TCF20: variants seen among roughly 807,000 people sequenced by gnomAD.
The protein encoded by TCF20 is transcription factor 20.
TCF20 carries 3 observed loss-of-function variants against 148.6 expected under a neutral mutation model. That is an observed-to-expected ratio of 0.02 (90% CI 0.01 to 0.05). The LOEUF is 0.05. Ranked by LOEUF, TCF20 falls within the 10% of genes least tolerant of loss-of-function variation. TCF20 has a pLI of 1.00. For missense variants in TCF20, 2,350 were observed against 2,429.3 expected, an observed-to-expected ratio of 0.97 and a Z score of 0.69; for synonymous variants, 1,049 against 909.5, an observed-to-expected ratio of 1.15 and a Z score of -2.76.
intron 2 of TCF20, among the ~76,000 whole-genome samples, chr22:42,195,500 CTT>C (rs897311922): frequency 1.9e-4 from 27 of 141,604 alleles, no homozygotes; most frequent in Admixed American, 2.1e-4. Context: ...ATATTACATA[CTT>C]TTTTTTTTTT....
Position 42,202,113 on chromosome 22 carries a change from A to T in TCF20, c.5655+7538T>A, listed in dbSNP as rs1027819129. Among the ~76,000 whole-genome samples, 12 of 152,322 alleles carry T rather than the reference A, an allele frequency of 7.9e-5. No homozygotes were observed. The Middle Eastern group carries it at 0.014, about 173-fold the overall frequency. On this transcript the variant is annotated intron_variant, in intron 2 of 5. Coordinates refer to ENST00000677622, the MANE Select transcript of TCF20 (RefSeq NM_001378418.1). ...TTATTTCCACCAAGGACAACTTTCA[A>T]AGAGATTAAGTTCTGAACACCCCTG...
chr22:42,313,649 G>T (rs1047374631), intron 1 of TCF20, among the ~76,000 whole-genome samples: 1 of 147,244 alleles, frequency 6.8e-6, no homozygotes, highest in Admixed American at 6.9e-5. Flanking sequence ...GCCCCAGCTG[G>T]AGTGCAGGGG....
chr22:42,198,115 GAATAA>G, intron 2 of TCF20, among the ~76,000 whole-genome samples: 1 of 152,094 alleles, frequency 6.6e-6, no homozygotes, highest in East Asian at 1.9e-4. Context: ...TGCGGTACTT[GAATAA>G]ATTACATTAT....
rs539738810 is a variant in TCF20 at position 42,244,523 on chromosome 22, A to T, written c.-37+25816T>A. Among the ~76,000 whole-genome samples the T allele has an allele frequency of 1.1e-4, 16 of 152,358 alleles. No individual in the cohort carries two copies. The South Asian group carries it at 3.3e-3, about 32-fold the overall frequency. The stretch of plus-strand genomic sequence containing the variant: ...TCTCAAAACACTACGCGCTAAGTGA[A>T]AGAAGTCAGACATGAAAGGTCACAT... On this transcript the variant is annotated intron_variant, in intron 1 of 5. Transcript: ENST00000677622.
chr22:42,206,691 A>C (rs1938410636), intron 2 of TCF20, among the ~76,000 whole-genome samples: 1 of 152,208 alleles, frequency 6.6e-6, no homozygotes, highest in African/African-American at 2.4e-5. Context: ...GGCACAAAGA[A>C]AAGACCGTAA....
chr22:42,232,565 C>T (rs535743891), intron 1 of TCF20, among the ~76,000 whole-genome samples: 4 of 152,244 alleles, frequency 2.6e-5, no homozygotes, highest in East Asian at 3.9e-4. Flanking sequence ...CAGTGGCTCA[C>T]GCCCGTAATC....
chr22:42,329,796 C>G (rs545156072), intron 1 of TCF20, among the ~76,000 whole-genome samples: 1 of 152,260 alleles, frequency 6.6e-6, no homozygotes, highest in East Asian at 1.9e-4. Flanking sequence ...GCCACTCCCC[C>G]CACCGAGTCC....
intron 1 of TCF20, among the ~76,000 whole-genome samples, chr22:42,229,316 T>TA (rs1820087817): frequency 6.6e-6 from 1 of 151,968 alleles, no homozygotes; most frequent in Non-Finnish European, 1.5e-5. Context: ...TAGCACAGAA[T>TA]AAAAAAGGGA....
chr22:42,325,259 G>A (rs1322455605), intron 1 of TCF20, among the ~76,000 whole-genome samples: 2 of 152,216 alleles, frequency 1.3e-5, no homozygotes, highest in Non-Finnish European at 2.9e-5. Context: ...GGCGGGGCCA[G>A]GCAAGGAAAT....
At chr22:42,335,576 C>A (rs1318712666) in intron 1 of TCF20, among the ~76,000 whole-genome samples, 1 of 152,158 alleles carries the variant, frequency 6.6e-6, no homozygotes, top group African/African-American at 2.4e-5. Context: ...AGAGAGAATG[C>A]GAGAACACAG....
At chr22:42,303,013 T>C (rs1927366001) in intron 1 of TCF20, among the ~76,000 whole-genome samples, 2 of 152,228 alleles carry the variant, frequency 1.3e-5, no homozygotes, top group African/African-American at 4.8e-5. Context: ...CACTGCAACC[T>C]CCGCCTCCCG....
chr22:42,315,923 G>A (rs1428070781), intron 1 of TCF20, among the ~76,000 whole-genome samples: 1 of 152,000 alleles, frequency 6.6e-6, no homozygotes, highest in African/African-American at 2.4e-5. Flanking sequence ...AGACCATCCT[G>A]GCCAACATGG....
In TCF20 at chr22:42,205,291, AAAAAGGAAGGG is replaced by A. The variant is rs1367246003; in HGVS notation, c.5655+4349_5655+4359del. ...ACAAGTCCCACACTTGTGGGAAGGGAAAAAGGAAGGGAAAAAGGAAGGGAAGTAAACACCAT... is the reference window on the plus strand; with the variant it reads ...ACAAGTCCCACACTTGTGGGAAGGGAAAAAAGGAAGGGAAGTAAACACCAT... On this transcript the variant is annotated intron_variant, in intron 2 of 5. Transcript: ENST00000677622. Among the ~76,000 whole-genome samples the A allele has an allele frequency of 5.0e-5, 7 of 138,874 alleles. No homozygotes were observed. In the East Asian group the frequency reaches 1.3e-3, roughly 27 times the overall value. 91.1% of individuals were successfully genotyped at this position (138,874 alleles called of 152,430 possible). A position where few individuals can be genotyped will look rare whatever the true frequency, so the allele number is the denominator to read the frequency against.
rs553814113 is a variant in TCF20 at position 42,269,341 on chromosome 22, C to T, written c.-37+998G>A. 3.9e-5 allele frequency among the ~76,000 whole-genome samples: 6 copies of T among 152,258 alleles called. 1 individual carries two copies. Among genetic ancestry groups the T allele is most frequent in the African/African-American group, 1.4e-4 (6 of 41,538 alleles). On this transcript the variant is annotated intron_variant, in intron 1 of 5. Coordinates refer to ENST00000677622, the MANE Select transcript of TCF20 (RefSeq NM_001378418.1). ...GAAAAGGGGGAAATCCTAATTTTGA[C>T]CTGACCCCTAAGGTCAAACTAAAGG...
intron 2 of TCF20, among the ~76,000 whole-genome samples, chr22:42,198,752 C>T (rs1052528850): frequency 6.6e-6 from 1 of 151,606 alleles, no homozygotes; most frequent in Non-Finnish European, 1.5e-5. Flanking sequence ...AGCTCCGCCT[C>T]CTGGGTTCAC....
intron 1 of TCF20, among the ~76,000 whole-genome samples, chr22:42,328,501 CCT>C (rs1927913777): frequency 1.3e-5 from 2 of 152,170 alleles, no homozygotes; most frequent in Admixed American, 1.3e-4. Context: ...GGTCTGGTCC[CCT>C]GTCCAGCCCC....
At position 42,205,282 on chromosome 22, in the gene TCF20, TGGGAAGGGAAAA is replaced by T. The variant is rs1301161563; in HGVS notation, c.5655+4357_5655+4368del. On this transcript the variant is annotated intron_variant, in intron 2 of 5. Coordinates refer to ENST00000677622, the MANE Select transcript of TCF20 (RefSeq NM_001378418.1). ...AATAGATTCACAAGTCCCACACTTG[TGGGAAGGGAAAA>T]AGGAAGGGAAAAAGGAAGGGAAGTA... 2.9e-5 allele frequency among the ~76,000 whole-genome samples: 4 copies of T among 136,122 alleles called. No individual in the cohort carries two copies. In the East Asian group the frequency reaches 1.1e-3, roughly 39 times the overall value. The allele number at this position is 136,122 out of a possible 152,430, so 89.3% of individuals were successfully genotyped here.
chr22:42,341,326 C>G (rs1378703045), intron 1 of TCF20, among the ~76,000 whole-genome samples: 2 of 152,168 alleles, frequency 1.3e-5, no homozygotes, highest in Non-Finnish European at 2.9e-5. Flanking sequence ...AGCCCTGGCG[C>G]TCGGCCAGAG....
At chr22:42,242,594 T>C (rs1342514270) in intron 1 of TCF20, among the ~76,000 whole-genome samples, 3 of 151,940 alleles carry the variant, frequency 2.0e-5, no homozygotes, top group Non-Finnish European at 1.5e-5. Context: ...ACTGTGAAGA[T>C]CTCTCTACCC....
Sources: gnomAD v4.1 joint callset for allele counts (sites outside exome capture counted in the v4.1 genomes callset) on GRCh38, gnomAD v4.1.1 for gene constraint, MANE v1.5 for transcripts, NCBI Gene and HGNC (gene_info 2026-07-23, HGNC 2026-07-21) for gene names.